PIGU: variants seen among roughly 807,000 people sequenced by gnomAD.
PIGU encodes the protein phosphatidylinositol glycan anchor biosynthesis class U.
Under a neutral mutation model 49.9 loss-of-function variants are expected in PIGU, and 24 were observed. That is an observed-to-expected ratio of 0.48 (90% CI 0.35 to 0.68). The LOEUF (loss-of-function observed/expected upper bound fraction) is 0.68, where lower values mean the gene tolerates loss of function less well. Among genes scored for constraint, PIGU ranks in the 30% least tolerant of loss-of-function variants. The pLI is 0.01. For missense variants in PIGU, 490 were observed against 532.6 expected (o/e 0.92, Z 0.79); for synonymous variants, 220 against 205.7 (o/e 1.07, Z -0.59).
Position 34,591,037 on chromosome 20 carries a change from A to AT in PIGU, c.628-2431_628-2430insA, listed in dbSNP as rs200297278. Among the ~76,000 whole-genome samples the AT allele has an allele frequency of 7.0e-3, 961 of 136,316 alleles. 44 individuals carry two copies. Among genetic ancestry groups the AT allele is most frequent in the Admixed American group, 0.064 (760 of 11,928 alleles). The allele number at this position is 136,316 out of a possible 152,430, so 89.4% of individuals were successfully genotyped here. A position where few individuals can be genotyped will look rare whatever the true frequency, so the allele number is the denominator to read the frequency against. On this transcript the variant is annotated intron_variant, in intron 7 of 11. Coordinates refer to ENST00000217446, the MANE Select transcript of PIGU (RefSeq NM_080476.5). ...CTCCGTCTCGAAAAAAAGAGAAAAA[A>AT]AAATATATATATATATGAGACACAG...
intron 6 of PIGU, among the ~76,000 whole-genome samples, chr20:34,631,220 G>T (rs140052878): frequency 2.8e-4 from 42 of 152,078 alleles, no homozygotes; most frequent in African/African-American, 1.0e-3. Flanking sequence ...ACTCAATAGA[G>T]GAGCTGGAAG....
intron 11 of PIGU, among the ~76,000 whole-genome samples, chr20:34,562,814 G>C (rs956076062): frequency 6.6e-6 from 1 of 152,204 alleles, no homozygotes; most frequent in Non-Finnish European, 1.5e-5. Context: ...CTGGCCCACT[G>C]GGGGGCAGTG....
intron 11 of PIGU, among the ~76,000 whole-genome samples, chr20:34,567,983 C>T (rs1982846252): frequency 6.6e-6 from 1 of 152,206 alleles, no homozygotes; most frequent in Admixed American, 6.5e-5. Flanking sequence ...CTGCCCTGTC[C>T]TGCCCATGTC....
At chr20:34,655,567 C>T (rs186972639) in intron 2 of PIGU, among the ~76,000 whole-genome samples, 1,364 of 118,890 alleles carry the variant, frequency 0.011, 347 homozygotes, top group African/African-American at 0.039. Context: ...CCAGCTACTC[C>T]GGAGGCTGAG....
chr20:34,656,682 C>T (rs1322154409), intron 2 of PIGU, among the ~76,000 whole-genome samples: 1 of 150,062 alleles, frequency 6.7e-6, no homozygotes, highest in Non-Finnish European at 1.5e-5. Flanking sequence ...AGGAGGATCG[C>T]TTGAGCCCAG....
At chr20:34,638,260 A>G (rs1986032559) in intron 4 of PIGU, among the ~76,000 whole-genome samples, 1 of 152,128 alleles carries the variant, frequency 6.6e-6, no homozygotes, top group Non-Finnish European at 1.5e-5. Flanking sequence ...TGGTCCTTAT[A>G]TCTCAGTTAA....
intron 4 of PIGU, among the ~76,000 whole-genome samples, chr20:34,641,997 A>T (rs1986177173): frequency 6.6e-6 from 1 of 152,188 alleles, no homozygotes; most frequent in Non-Finnish European, 1.5e-5. Flanking sequence ...CAGGGTATTG[A>T]CAACACCGTT....
intron 1 of PIGU, among the ~76,000 whole-genome samples, chr20:34,668,261 G>A (rs1211750277): frequency 2.0e-5 from 3 of 151,768 alleles, no homozygotes; most frequent in African/African-American, 7.3e-5. Context: ...TCAGGAATTC[G>A]ATACCAGCCT....
At chr20:34,660,663 A>G (rs1288966736) in intron 1 of PIGU, among the ~76,000 whole-genome samples, 1 of 152,216 alleles carries the variant, frequency 6.6e-6, no homozygotes, top group Non-Finnish European at 1.5e-5. Context: ...GAGACATAAA[A>G]TAACTGGCAA....
intron 7 of PIGU, among the ~76,000 whole-genome samples, chr20:34,601,147 T>C (rs928478567): frequency 6.6e-6 from 1 of 152,210 alleles, no homozygotes; most frequent in Non-Finnish European, 1.5e-5. Context: ...TTCTGTTTGC[T>C]ACCATTTTTC....
At chr20:34,562,535 T>C (rs1269798805) in intron 11 of PIGU, 5 of 1,289,360 alleles carry the variant, frequency 3.9e-6, no homozygotes, top group Middle Eastern at 4.3e-4. Context: ...TCAGGACAAG[T>C]ACCTGCCATT....
chr20:34,648,616 A>G (rs1188206301), intron 2 of PIGU, among the ~76,000 whole-genome samples: 5 of 151,340 alleles, frequency 3.3e-5, no homozygotes, highest in Admixed American at 1.3e-4. Flanking sequence ...TGGCACGATC[A>G]TGACTCACTG....
intron 6 of PIGU, among the ~76,000 whole-genome samples, chr20:34,632,172 C>A (rs979921545): frequency 1.3e-5 from 2 of 151,548 alleles, no homozygotes; most frequent in East Asian, 3.9e-4. Context: ...GAAAAAAAAA[C>A]TGGGTTATAT....
chr20:34,593,108 G>A (rs893042575), intron 7 of PIGU, among the ~76,000 whole-genome samples: 1 of 152,064 alleles, frequency 6.6e-6, no homozygotes, highest in Non-Finnish European at 1.5e-5. Context: ...AACCAGAGGA[G>A]GGTGGATCAC....
chr20:34,615,513 T>C (rs1403662466), intron 7 of PIGU, among the ~76,000 whole-genome samples: 1 of 152,244 alleles, frequency 6.6e-6, no homozygotes, highest in Admixed American at 6.5e-5. Flanking sequence ...ATGCATATAG[T>C]AGTGCCCCCC....
At chr20:34,641,803 T>C (rs1048902804) in intron 4 of PIGU, among the ~76,000 whole-genome samples, 1 of 152,240 alleles carries the variant, frequency 6.6e-6, no homozygotes, top group African/African-American at 2.4e-5. Context: ...AACAGTAGTA[T>C]GTTAGTATCA....
rs1057085688 is a variant in PIGU at position 34,616,276 on chromosome 20, T to A, written c.530-137A>T. 5.4e-6 allele frequency: 5 copies of A among 925,294 alleles called. No individual in the cohort carries two copies. In the African/African-American group the frequency reaches 8.8e-5, roughly 16 times the overall value. 57.3% of individuals were successfully genotyped at this position (925,294 alleles called of 1,614,324 possible). ...AAGTGCCTCCTGGTACACAAGGTGC[T>A]ATGCAAATTCACACAGTAAGAGCTT... On this transcript the variant is annotated intron_variant, in intron 6 of 11. Coordinates refer to ENST00000217446, the MANE Select transcript of PIGU (RefSeq NM_080476.5).
chr20:34,588,824 T>C (rs1028006682), intron 7 of PIGU, among the ~76,000 whole-genome samples: 1 of 152,182 alleles, frequency 6.6e-6, no homozygotes, highest in African/African-American at 2.4e-5. Flanking sequence ...TCTAGGTATG[T>C]ATCCTGGAGA....
intron 7 of PIGU, among the ~76,000 whole-genome samples, chr20:34,605,230 C>A (rs1984571322): frequency 6.6e-6 from 1 of 152,184 alleles, no homozygotes; most frequent in South Asian, 2.1e-4. Context: ...ACCAGATGGG[C>A]TCAAACTACC....
Sources: allele counts gnomAD v4.1 joint callset (sites outside exome capture counted in the v4.1 genomes callset), GRCh38; gene constraint gnomAD v4.1.1; transcripts MANE v1.5; gene names NCBI Gene and HGNC (gene_info 2026-07-23, HGNC 2026-07-21).